Variants in IGF2R observed in about 807,000 individuals in gnomAD.
IGF2R encodes the protein cation-independent mannose-6-phosphate receptor.
In IGF2R, 91 loss-of-function variants were observed where a neutral mutation model predicts 270.6. That is an observed-to-expected ratio of 0.34 (90% confidence interval 0.28 to 0.40). The LOEUF (loss-of-function observed/expected upper bound fraction) is 0.40. IGF2R is among the 10% of genes least tolerant of loss of function. IGF2R has a pLI of 1.00. For synonymous variants in IGF2R, 1,316 were observed against 1,258.9 expected (o/e 1.05, Z -0.96); for missense variants, 2,805 against 3,188.3 (o/e 0.88, Z 2.90).
At chr6:160,048,311 A>G (rs1026075325) in intron 17 of IGF2R, 64 bp from the exon 18 acceptor site, 1 of 1,481,756 alleles carries the variant, frequency 6.7e-7, no homozygotes, top group Non-Finnish European at 9.4e-7. Flanking sequence ...AACTACATAG[A>G]AATAAATGAG....
At chr6:159,979,955 G>T (rs1783753764) in intron 1 of IGF2R, among the ~76,000 whole-genome samples, 1 of 152,166 alleles carries the variant, frequency 6.6e-6, no homozygotes, top group Non-Finnish European at 1.5e-5. Context: ...ACTTTGGGAG[G>T]CCGAGGCGGG....
In IGF2R at chr6:160,050,134, G is replaced by A. The variant is rs923968981; in HGVS notation, c.2515-339G>A. On this transcript the variant is annotated intron_variant, in intron 18 of 47. Coordinates refer to ENST00000356956, the MANE Select transcript of IGF2R (RefSeq NM_000876.4). The surrounding 1 kb of genome is among the most constrained non-coding windows in gnomAD (Gnocchi z 4.0). ...TCAGGATCTGAAGAACATCTTACAC[G>A]ATTATTGAACGAAAGCCTTATGATT... Among the ~76,000 whole-genome samples the A allele has an allele frequency of 1.3e-5, 2 of 152,206 alleles. No individual in the cohort carries two copies. The highest frequency in any genetic ancestry group is 6.5e-5 in the Admixed American group (1 of 15,282).
intron 2 of IGF2R, among the ~76,000 whole-genome samples, chr6:159,995,644 C>T (rs1583248158): frequency 1.3e-5 from 2 of 152,158 alleles, no homozygotes; most frequent in Non-Finnish European, 2.9e-5. Context: ...TTTTGTAATT[C>T]CTACAATGAA....
At chr6:160,042,786 T>C (rs1777974612) in intron 11 of IGF2R, among the ~76,000 whole-genome samples, 1 of 152,240 alleles carries the variant, frequency 6.6e-6, no homozygotes, top group Non-Finnish European at 1.5e-5. Context: ...AGCAATGATG[T>C]ACCACTCTAC....
At position 160,102,685 on chromosome 6, in the gene IGF2R, A is replaced by G; in HGVS notation, c.6995+14A>G. 6.3e-7 allele frequency: 1 copy of G among 1,583,350 alleles called. No homozygotes were observed. Among genetic ancestry groups the G allele is most frequent in the South Asian group, 1.1e-5 (1 of 88,762 alleles). ...GAAGGAGAGGAGGTAAGCGGGTGGCAGGGCGAGGTGGGGCGGGTGGATGCA... is the reference window on the plus strand; with the variant it reads ...GAAGGAGAGGAGGTAAGCGGGTGGCGGGGCGAGGTGGGGCGGGTGGATGCA... On this transcript the variant is annotated intron_variant, in intron 46 of 47. Transcript: ENST00000356956. The surrounding 1 kb of genome is among the most constrained non-coding windows in gnomAD (Gnocchi z 4.5).
chr6:160,021,176 G>C (rs2115219227), intron 4 of IGF2R, among the ~76,000 whole-genome samples: 1 of 152,022 alleles, frequency 6.6e-6, no homozygotes, highest in South Asian at 2.1e-4. Context: ...CATACAAATG[G>C]CCAAGAATCT....
chr6:160,048,398 T>G lies in IGF2R; in HGVS notation c.2369T>G (p.Leu790Arg). The change falls in exon 18 of 48, where the codon CTT becomes CGT. Residue 790 changes from leucine (L) to arginine (R), a missense_variant. Physicochemically the swap from Leu to Arg is moderately radical, Grantham distance 102. Transcript: ENST00000356956. ...LSSLAKSEGG[L>R]GGNWYAMDNS... ...AGTCTGGCAAAATCTGAAGGTGGCC[T>G]TGGAGGAAACTGGTATGCCATGGAC... is the stretch of plus-strand genomic sequence containing the variant. 1.2e-6 allele frequency: 2 copies of G among 1,614,236 alleles called. No individual in the cohort carries two copies. The highest frequency in any genetic ancestry group is 4.5e-5 in the East Asian group (2 of 44,886).
chr6:160,056,358 T>A, intron 19 of IGF2R, 66 bp from the exon 20 acceptor site: 1 of 1,087,974 alleles, frequency 9.2e-7, no homozygotes, highest in Non-Finnish European at 1.4e-6. Context: ...CTCAGGCGAG[T>A]ATTCTTTTGG....
intron 4 of IGF2R, among the ~76,000 whole-genome samples, chr6:160,023,050 G>A (rs562175100): frequency 6.6e-6 from 1 of 152,286 alleles, no homozygotes; most frequent in South Asian, 2.1e-4. Context: ...TGAACAGGGA[G>A]AGGTGTGGCC....
rs1218597239 is a variant in IGF2R, at chr6:160,089,917, C to G, written c.6469C>G (p.Leu2157Val). The change falls in exon 44 of 48, where the codon CTG becomes GTG. Residue 2157 changes from leucine to valine, a missense_variant and splice_region_variant. This residue lies in a region of IGF2R where 1,851 missense variants were observed against 2,207.2 expected (regional missense o/e 0.84). Coordinates refer to ENST00000356956, the MANE Select transcript of IGF2R (RefSeq NM_000876.4). ...SFSLGDIYFK[L>V]FRASGDMRTN... ...CTGTGATCTTTTCTGTCTCTTCAGG[C>G]TGTTCAGAGCCTCTGGGGACATGAG... is the stretch of plus-strand genomic sequence containing the variant. 1 of 1,564,770 alleles carries G rather than the reference C, an allele frequency of 6.4e-7. No homozygotes were observed. Among genetic ancestry groups the G allele is most frequent in the East Asian group, 2.4e-5 (1 of 42,180 alleles).
At chr6:160,033,458 G>A (rs574538974) in intron 9 of IGF2R, among the ~76,000 whole-genome samples, 1 of 152,366 alleles carries the variant, frequency 6.6e-6, no homozygotes, top group South Asian at 2.1e-4. Context: ...AGTGCGTTGT[G>A]TGTATTCTTG....
chr6:160,082,513 T>A (rs1209966304), intron 39 of IGF2R, among the ~76,000 whole-genome samples: 3 of 152,176 alleles, frequency 2.0e-5, no homozygotes, highest in Admixed American at 1.3e-4. Context: ...GATTTCACCA[T>A]GTTGGTCAGG....
In IGF2R at chr6:160,056,530, G is replaced by T; in HGVS notation, c.2796+5G>T. On this transcript the variant is annotated splice_donor_5th_base_variant and intron_variant, in intron 20 of 47. Coordinates refer to ENST00000356956, the MANE Select transcript of IGF2R (RefSeq NM_000876.4). The stretch of plus-strand genomic sequence containing the variant: ...ACAACGACGGATACAGACCAGGTAC[G>T]TGTGCTTTCACCTGGCCCTCGTGCT... 1 of 1,595,030 alleles carries T rather than the reference G, an allele frequency of 6.3e-7. No homozygotes were observed. The highest frequency in any genetic ancestry group is 8.6e-7 in the Non-Finnish European group (1 of 1,162,684).
In IGF2R at chr6:160,080,167, T is replaced by A; in HGVS notation, c.5725T>A (p.Phe1909Ile). The stretch of plus-strand genomic sequence containing the variant: ...CGTCCCCTGTGTCTTCCCCTTCATA[T>A]TCAATGGGAAGAGCTACGAGGAGTG... ...DGVPCVFPFI[F>I]NGKSYEECII... Residue 1909 changes from phenylalanine (F) to isoleucine (I), a missense_variant, in exon 39 of 48, where the codon TTC becomes ATC. By Grantham distance (21) the Phe-to-Ile change is conservative. Transcript: ENST00000356956. 1.9e-6 allele frequency: 3 copies of A among 1,614,070 alleles called. No homozygotes were observed.
At chr6:160,073,115 G>C in intron 33 of IGF2R, 98 bp from the exon 34 acceptor site, 1 of 1,496,788 alleles carries the variant, frequency 6.7e-7, no homozygotes, top group Non-Finnish European at 9.1e-7. Context: ...ATAAGTGTTG[G>C]CTATGAAATT....
intron 1 of IGF2R, 26 bp from the exon 2 acceptor site, chr6:159,991,158 G>A: frequency 1.9e-6 from 3 of 1,582,636 alleles, no homozygotes; most frequent in Non-Finnish European, 2.6e-6. Context: ...CAGTGACATT[G>A]ACAAGTTGTT....
At chr6:160,024,293 C>T (rs191250115) in intron 4 of IGF2R, among the ~76,000 whole-genome samples, 48 of 151,952 alleles carry the variant, frequency 3.2e-4, no homozygotes, top group African/African-American at 1.1e-3. Context: ...GATCTCATGG[C>T]ATGCTGACGG....
At chr6:160,078,166 G>A (rs1203329992) in intron 36 of IGF2R, 35 bp from the exon 37 acceptor site, 1 of 1,609,978 alleles carries the variant, frequency 6.2e-7, no homozygotes, top group Admixed American at 1.7e-5. Context: ...CCTATGCCAT[G>A]GGGTTTTTAA....
intron 10 of IGF2R, among the ~76,000 whole-genome samples, chr6:160,038,597 A>C (rs759043027): frequency 2.0e-5 from 3 of 152,174 alleles, no homozygotes; most frequent in African/African-American, 7.2e-5. Context: ...ATGTGAATCT[A>C]GTAGGATTAA....
Sources: gnomAD v4.1 joint callset for allele counts (sites outside exome capture counted in the v4.1 genomes callset) on GRCh38, gnomAD v4.1.1 for gene constraint, gnomAD v4.1.1 regional missense constraint, Gnocchi (gnomAD v3.1) non-coding constraint, MANE v1.5 for transcripts, NCBI Gene and HGNC (gene_info 2026-07-23, HGNC 2026-07-21) for gene names.